The following TACR1 variants were observed in gnomAD, a reference collection of about 807,000 sequenced individuals.
TACR1 encodes the protein tachykinin receptor 1.
In TACR1, 25 loss-of-function variants were observed where a neutral mutation model predicts 35.8. The ratio of observed to expected loss-of-function variants is 0.70; its 90% confidence interval spans 0.51 to 0.98. The LOEUF (loss-of-function observed/expected upper bound fraction) is 0.98. Ranked by LOEUF, TACR1 falls within the 50% of genes least tolerant of loss-of-function variation. TACR1 has a pLI of 0.00. For missense variants in TACR1, 478 were observed against 522.9 expected (o/e 0.91, Z 0.84); for synonymous variants, 195 against 206.7 (o/e 0.94, Z 0.48).
intron 1 of TACR1, among the ~76,000 whole-genome samples, chr2:75,190,421 C>A (rs1675814294): frequency 6.6e-6 from 1 of 152,062 alleles, no homozygotes; most frequent in Non-Finnish European, 1.5e-5. Context: ...ATTTGCTGAC[C>A]CAGTCAGGAC....
At chr2:75,173,205 G>C (rs959187435) in intron 1 of TACR1, among the ~76,000 whole-genome samples, 19 of 152,132 alleles carry the variant, frequency 1.2e-4, no homozygotes, top group African/African-American at 4.6e-4. Flanking sequence ...TAAACTTCTT[G>C]CAATCCAGTA....
rs962093238 is a variant in TACR1, at chr2:75,131,097, C to CT, written c.390-10330dup. On this transcript the variant is annotated intron_variant, in intron 1 of 4. Coordinates refer to ENST00000305249, the MANE Select transcript of TACR1 (RefSeq NM_001058.4). ...ATCAATAATGAGCCAATTTTTTTTT[C>CT]TTTTTTTTTTTGAGACAGAGTCTCT... is the stretch of plus-strand genomic sequence containing the variant. Among the ~76,000 whole-genome samples, 282 of 144,542 alleles carry CT rather than the reference C, an allele frequency of 2.0e-3. 1 individual carries two copies. The highest frequency in any genetic ancestry group is 4.4e-3 in the African/African-American group (174 of 39,700). The allele number at this position is 144,542 out of a possible 152,430, so 94.8% of individuals were successfully genotyped here. A position where few individuals can be genotyped will look rare whatever the true frequency, so the allele number is the denominator to read the frequency against.
intron 1 of TACR1, among the ~76,000 whole-genome samples, chr2:75,164,985 T>A (rs1675103751): frequency 6.6e-6 from 1 of 152,224 alleles, no homozygotes; most frequent in African/African-American, 2.4e-5. Flanking sequence ...ATTTTATGAT[T>A]CATCCTATTG....
At chr2:75,162,626 T>C (rs1342790452) in intron 1 of TACR1, among the ~76,000 whole-genome samples, 1 of 152,260 alleles carries the variant, frequency 6.6e-6, no homozygotes, top group Non-Finnish European at 1.5e-5. Context: ...TTATATTTCA[T>C]GACTTTCTTG....
intron 1 of TACR1, among the ~76,000 whole-genome samples, chr2:75,135,197 C>T (rs547948847): frequency 1.3e-5 from 2 of 152,166 alleles, no homozygotes; most frequent in Non-Finnish European, 2.9e-5. Context: ...TATCTCTTTC[C>T]CTCTCCCTAT....
At chr2:75,192,735 G>A (rs1229636650) in intron 1 of TACR1, among the ~76,000 whole-genome samples, 2 of 152,188 alleles carry the variant, frequency 1.3e-5, no homozygotes, top group East Asian at 3.9e-4. Context: ...AGAGTGGGAG[G>A]ACAATGCTAA....
intron 2 of TACR1, among the ~76,000 whole-genome samples, chr2:75,095,977 G>A (rs942319355): frequency 6.6e-6 from 1 of 152,154 alleles, no homozygotes; most frequent in Non-Finnish European, 1.5e-5. Context: ...AAGGATCTGG[G>A]GTTTTGGATT....
intron 4 of TACR1, among the ~76,000 whole-genome samples, chr2:75,050,825 G>C (rs1672449182): frequency 1.3e-5 from 2 of 152,200 alleles, no homozygotes; most frequent in Admixed American, 6.5e-5. Context: ...CTCTGTGGGG[G>C]GATGAAATTC....
chr2:75,167,257 A>G (rs1383225088), intron 1 of TACR1, among the ~76,000 whole-genome samples: 1 of 152,240 alleles, frequency 6.6e-6, no homozygotes, highest in Non-Finnish European at 1.5e-5. Flanking sequence ...AATCACAGTG[A>G]AATTCTTCTT....
At chr2:75,151,568 T>A (rs1674671243) in intron 1 of TACR1, among the ~76,000 whole-genome samples, 2 of 152,190 alleles carry the variant, frequency 1.3e-5, no homozygotes, top group African/African-American at 4.8e-5. Flanking sequence ...CGTATGGAAG[T>A]ACCTGGATGC....
chr2:75,174,271 G>C (rs928575340), intron 1 of TACR1, among the ~76,000 whole-genome samples: 2 of 152,332 alleles, frequency 1.3e-5, no homozygotes, highest in Admixed American at 1.3e-4. Context: ...TTTGCAGATA[G>C]AGTAGTCTCC....
intron 2 of TACR1, among the ~76,000 whole-genome samples, chr2:75,076,182 G>C (rs1343824925): frequency 6.6e-6 from 1 of 152,176 alleles, no homozygotes; most frequent in African/African-American, 2.4e-5. Flanking sequence ...AGATGGGTGA[G>C]GACTCCATGA....
chr2:75,058,370 A>G (rs1672611698), intron 2 of TACR1, among the ~76,000 whole-genome samples: 1 of 152,188 alleles, frequency 6.6e-6, no homozygotes, highest in African/African-American at 2.4e-5. Flanking sequence ...GCACAATCTT[A>G]TTTTGTGTGG....
rs576536949 is a variant in TACR1 at position 75,132,319 on chromosome 2, G to C, written c.390-11551C>G. 2.6e-5 allele frequency among the ~76,000 whole-genome samples: 4 copies of C among 152,224 alleles called. No homozygotes were observed. The East Asian group carries it at 7.7e-4, about 29-fold the overall frequency. On this transcript the variant is annotated intron_variant, in intron 1 of 4. Coordinates refer to ENST00000305249, the MANE Select transcript of TACR1 (RefSeq NM_001058.4). ...CTTAAATCTAACCTTCTGTACCTCTGTGCTGCATTCTGGTTAATTTTTTTG... is the reference window on the plus strand; with the variant it reads ...CTTAAATCTAACCTTCTGTACCTCTCTGCTGCATTCTGGTTAATTTTTTTG...
intron 2 of TACR1, among the ~76,000 whole-genome samples, chr2:75,092,068 A>G (rs1265519239): frequency 1.3e-5 from 2 of 152,252 alleles, no homozygotes; most frequent in Admixed American, 6.5e-5. Flanking sequence ...ACAAATCTGA[A>G]TGCAGAACTC....
At chr2:75,152,812 A>G (rs1257677435) in intron 1 of TACR1, among the ~76,000 whole-genome samples, 4 of 152,244 alleles carry the variant, frequency 2.6e-5, no homozygotes, top group East Asian at 3.9e-4. Context: ...CCTTAGGAGA[A>G]TAGACTGTAC....
chr2:75,120,608 A>G lies in TACR1; in HGVS notation c.550T>C (p.Trp184Arg), dbSNP rs1191366654. ...TAAATCTTGTTCGGATGCTCTGGCC[A>G]TTCGATCATGCACACGACTCTGCTG... ...MPSRVVCMIEWPEHPNKIYEK... is the reference protein window; with the variant it reads ...MPSRVVCMIERPEHPNKIYEK... Residue 184 changes from tryptophan (W) to arginine (R), a missense_variant, in exon 2 of 5, where the codon TGG becomes CGG. Trp to Arg is a moderately radical substitution (Grantham distance 101, BLOSUM62 -3). Transcript: ENST00000305249. 6.2e-7 allele frequency: 1 copy of G among 1,610,432 alleles called. No individual in the cohort carries two copies. The highest frequency in any genetic ancestry group is 8.5e-7 in the Non-Finnish European group (1 of 1,178,126).
chr2:75,078,344 T>C (rs921349628), intron 2 of TACR1, among the ~76,000 whole-genome samples: 1 of 152,056 alleles, frequency 6.6e-6, no homozygotes, highest in Non-Finnish European at 1.5e-5. Flanking sequence ...TCTCAACTTA[T>C]GTATCTGTAG....
intron 1 of TACR1, among the ~76,000 whole-genome samples, chr2:75,135,310 GCA>G (rs1448780054): frequency 1.3e-5 from 2 of 152,196 alleles, no homozygotes; most frequent in Non-Finnish European, 2.9e-5. Context: ...TATTTACTGG[GCA>G]GTGATGCTGA....
Sources: gnomAD v4.1 joint callset for allele counts (sites outside exome capture counted in the v4.1 genomes callset) on GRCh38, gnomAD v4.1.1 for gene constraint, MANE v1.5 for transcripts, NCBI Gene and HGNC (gene_info 2026-07-23, HGNC 2026-07-21) for gene names.